SSBP2: variants seen among roughly 807,000 people sequenced by gnomAD.
SSBP2 encodes single-stranded DNA-binding protein 2.
SSBP2 carries 17 observed loss-of-function variants against 61.8 expected under a neutral mutation model. That is an observed-to-expected ratio of 0.28 (90% CI 0.19 to 0.41). The LOEUF (loss-of-function observed/expected upper bound fraction) is 0.41, where lower values mean the gene tolerates loss of function less well. Ranked by LOEUF, SSBP2 falls within the 10% of genes least tolerant of loss-of-function variation. The pLI is 1.00. For missense variants in SSBP2, 310 were observed against 458.7 expected, an observed-to-expected ratio of 0.68 and a Z score of 2.96; for synonymous variants, 139 against 141.3, an observed-to-expected ratio of 0.98 and a Z score of 0.12.
intron 1 of SSBP2, among the ~76,000 whole-genome samples, chr5:81,712,728 G>GTTTTTTTTT (rs34642922): frequency 7.0e-6 from 1 of 142,238 alleles, no homozygotes; most frequent in Non-Finnish European, 1.5e-5. Flanking sequence ...TTGTTTCTTT[G>GTTTTTTTTT]TTTTTTTTTT....
chr5:81,446,420 T>C (rs1220784978), intron 12 of SSBP2, among the ~76,000 whole-genome samples: 1 of 150,866 alleles, frequency 6.6e-6, no homozygotes, highest in African/African-American at 2.5e-5. Flanking sequence ...CTTATAGACA[T>C]GTAGGGTAAA....
intron 1 of SSBP2, among the ~76,000 whole-genome samples, chr5:81,651,052 G>C (rs189638044): frequency 3.1e-4 from 47 of 152,192 alleles, no homozygotes; most frequent in African/African-American, 9.9e-4. Context: ...TCATTATCTT[G>C]TGGATTCAGA....
chr5:81,563,375 A>T (rs1773192655), intron 4 of SSBP2, among the ~76,000 whole-genome samples: 1 of 152,170 alleles, frequency 6.6e-6, no homozygotes, highest in Non-Finnish European at 1.5e-5. Flanking sequence ...AGACCATAGA[A>T]CAAAATGTAA....
intron 4 of SSBP2, among the ~76,000 whole-genome samples, chr5:81,578,127 G>T (rs528417444): frequency 6.6e-6 from 1 of 152,026 alleles, no homozygotes; most frequent in Non-Finnish European, 1.5e-5. Context: ...AAAAATCATA[G>T]GAGCACATTA....
intron 1 of SSBP2, among the ~76,000 whole-genome samples, chr5:81,696,491 G>A (rs942497692): frequency 6.6e-6 from 1 of 152,182 alleles, no homozygotes; most frequent in South Asian, 2.1e-4. Flanking sequence ...GAAGTTGGGG[G>A]TGGGAGAAAG....
chr5:81,686,254 C>T (rs1032275345), intron 1 of SSBP2, among the ~76,000 whole-genome samples: 1 of 151,974 alleles, frequency 6.6e-6, no homozygotes, highest in African/African-American at 2.4e-5. Context: ...AAAATTAATC[C>T]TAGTTACAGT....
intron 1 of SSBP2, among the ~76,000 whole-genome samples, chr5:81,673,969 C>A (rs957164164): frequency 1.3e-5 from 2 of 152,094 alleles, no homozygotes; most frequent in East Asian, 3.9e-4. Context: ...ATTGCAGGAG[C>A]TTTATATCCA....
intron 5 of SSBP2, among the ~76,000 whole-genome samples, chr5:81,501,652 T>C (rs1265231939): frequency 6.8e-6 from 1 of 147,066 alleles, no homozygotes; most frequent in East Asian, 2.1e-4. Flanking sequence ...AAGCTCCGCC[T>C]CTCGGGTTCA....
At chr5:81,442,794 C>T (rs1449557677) in intron 12 of SSBP2, 71 bp from the exon 13 acceptor site, 4 of 805,210 alleles carry the variant, frequency 5.0e-6, no homozygotes, top group Non-Finnish European at 5.9e-6. Context: ...AAGTAATGAT[C>T]AAAGATGGTT....
intron 1 of SSBP2, among the ~76,000 whole-genome samples, chr5:81,681,927 TG>T (rs1409047956): frequency 3.3e-5 from 5 of 152,198 alleles, no homozygotes; most frequent in Admixed American, 1.3e-4. Context: ...ATAAATACTA[TG>T]AACACCTCTA....
In SSBP2 at chr5:81,446,903, C is replaced by T; in HGVS notation, c.743G>A (p.Gly248Glu). 1 of 1,603,612 alleles carries T rather than the reference C, an allele frequency of 6.2e-7. No homozygotes were observed. Among genetic ancestry groups the T allele is most frequent in the Non-Finnish European group, 8.5e-7 (1 of 1,175,484 alleles). ...AGGCATGATGGGTGTTCCTGGTGGC[C>T]CTCCACCTCCTGGAGGACCCTAAAT... Residue 248 changes from glycine (G) to glutamate (E), a missense_variant, in exon 12 of 17, where the codon GGG becomes GAG. By Grantham distance (98) the Gly-to-Glu change is moderately conservative. Transcript: ENST00000320672.
At chr5:81,546,576 G>A (rs894609726) in intron 4 of SSBP2, among the ~76,000 whole-genome samples, 8 of 151,792 alleles carry the variant, frequency 5.3e-5, no homozygotes, top group Non-Finnish European at 7.4e-5. Context: ...CTTACAATAC[G>A]TCTTTGAGGT....
intron 4 of SSBP2, among the ~76,000 whole-genome samples, chr5:81,536,058 G>A (rs2154112000): frequency 6.6e-6 from 1 of 152,106 alleles, no homozygotes; most frequent in African/African-American, 2.4e-5. Context: ...ATAATAAACA[G>A]CCCAATAAAA....
At chr5:81,523,160 T>C (rs148698892) in intron 4 of SSBP2, among the ~76,000 whole-genome samples, 1 of 152,092 alleles carries the variant, frequency 6.6e-6, no homozygotes, top group Non-Finnish European at 1.5e-5. Context: ...GTCTGATAGG[T>C]AACAAGGGAG....
intron 4 of SSBP2, chr5:81,615,031 G>A (rs1449612113): frequency 6.5e-6 from 1 of 153,422 alleles, no homozygotes; most frequent in East Asian, 1.9e-4. Context: ...CAGCAGGGAA[G>A]ATATTTAGCC....
intron 10 of SSBP2, among the ~76,000 whole-genome samples, chr5:81,453,954 A>C (rs6452411): frequency 0.69 from 104,528 of 152,170 alleles, 37,922 homozygotes; most frequent in African/African-American, 0.91. Flanking sequence ...TAAGTCACTG[A>C]GTTTGGTTGG....
chr5:81,683,999 T>C (rs1948707653), intron 1 of SSBP2, among the ~76,000 whole-genome samples: 1 of 152,178 alleles, frequency 6.6e-6, no homozygotes, highest in South Asian at 2.1e-4. Flanking sequence ...TCATTGCTGG[T>C]GGAAATGCAA....
chr5:81,601,869 C>G (rs374662607), intron 4 of SSBP2, among the ~76,000 whole-genome samples: 3 of 152,140 alleles, frequency 2.0e-5, no homozygotes, highest in African/African-American at 4.8e-5. Context: ...ACTAAAGACA[C>G]AAATCATCTG....
At chr5:81,680,324 TA>T (rs1752292508) in intron 1 of SSBP2, among the ~76,000 whole-genome samples, 1 of 148,064 alleles carries the variant, frequency 6.8e-6, no homozygotes, top group African/African-American at 2.5e-5. Flanking sequence ...AATTATGTTA[TA>T]ATATATAATT....
Sources: gnomAD v4.1 joint callset for allele counts (sites outside exome capture counted in the v4.1 genomes callset) on GRCh38, gnomAD v4.1.1 for gene constraint, MANE v1.5 for transcripts, NCBI Gene and HGNC (gene_info 2026-07-23, HGNC 2026-07-21) for gene names.